RFX8: variants seen among roughly 807,000 people sequenced by gnomAD.
RFX8 encodes DNA-binding protein RFX8.
Under a neutral mutation model 54.6 loss-of-function variants are expected in RFX8, and 46 were observed. The observed-to-expected ratio is 0.84, with a 90% CI of 0.67 to 1.08. The LOEUF is 1.08. Ranked by LOEUF, RFX8 falls within the 50% of genes least tolerant of loss-of-function variation. The probability of loss-of-function intolerance (pLI) is 0.00; values close to 1 mark genes in which losing one functional copy is unlikely to be tolerated. For missense variants in RFX8, 536 were observed against 562.3 expected, an observed-to-expected ratio of 0.95 and a Z score of 0.47; for synonymous variants, 192 against 209.5, an observed-to-expected ratio of 0.92 and a Z score of 0.72.
At chr2:101,442,601 G>A (rs1688157769) in intron 2 of RFX8, among the ~76,000 whole-genome samples, 1 of 151,690 alleles carries the variant, frequency 6.6e-6, no homozygotes, top group Admixed American at 6.6e-5. Flanking sequence ...TAAATGTGTT[G>A]CCATTCAAAT....
chr2:101,409,389 A>C (rs1379462467), intron 9 of RFX8, among the ~76,000 whole-genome samples: 2 of 151,224 alleles, frequency 1.3e-5, no homozygotes, highest in African/African-American at 4.9e-5. Context: ...CGCCCAGCTA[A>C]TTTTTTTGTA....
chr2:101,446,669 C>G (rs756141973), intron 2 of RFX8, among the ~76,000 whole-genome samples: 1 of 152,062 alleles, frequency 6.6e-6, no homozygotes, highest in Non-Finnish European at 1.5e-5. Context: ...TCTGTGACAT[C>G]GGAAACAAAC....
chr2:101,429,543 A>C (rs1242439329), intron 2 of RFX8, among the ~76,000 whole-genome samples: 5 of 152,184 alleles, frequency 3.3e-5, no homozygotes, highest in Non-Finnish European at 5.9e-5. Context: ...TCTATGCAGT[A>C]CGGTGCATTT....
chr2:101,453,299 AG>A (rs1446038592), intron 2 of RFX8, among the ~76,000 whole-genome samples: 8,183 of 92,880 alleles, frequency 0.088, 403 homozygotes, highest in African/African-American at 0.15. Context: ...ATAAATAAAA[AG>A]AGAGAAAAAA....
chr2:101,430,218 G>A (rs1573412669), intron 2 of RFX8, among the ~76,000 whole-genome samples: 1 of 152,186 alleles, frequency 6.6e-6, no homozygotes, highest in Non-Finnish European at 1.5e-5. Context: ...ATATGGATAA[G>A]CCCTGCACAT....
intron 2 of RFX8, among the ~76,000 whole-genome samples, chr2:101,455,465 A>C (rs1335196316): frequency 2.0e-5 from 3 of 152,196 alleles, no homozygotes; most frequent in African/African-American, 7.2e-5. Flanking sequence ...ACATTTATTA[A>C]ATAGGGAATG....
At chr2:101,406,429 T>C (rs1043925686) in intron 9 of RFX8, among the ~76,000 whole-genome samples, 1 of 150,806 alleles carries the variant, frequency 6.6e-6, no homozygotes, top group Non-Finnish European at 1.5e-5. Flanking sequence ...ACTCCTGGGC[T>C]TAAGCGATCT....
intron 2 of RFX8, chr2:101,434,829 T>A (rs72825080): frequency 1.3e-5 from 2 of 152,194 alleles, no homozygotes; most frequent in Non-Finnish European, 2.9e-5. Flanking sequence ...CTTGGACACC[T>A]TATTAGTACC....
chr2:101,469,092 A>ACCT (rs1558896854), intron 1 of RFX8, among the ~76,000 whole-genome samples: 2 of 16,234 alleles, frequency 1.2e-4, no homozygotes, highest in African/African-American at 6.8e-4. Flanking sequence ...GTATATATAT[A>ACCT]AGTATATATA....
chr2:101,417,779 G>T, intron 5 of RFX8, 95 bp from the exon 6 acceptor site: 1 of 1,037,166 alleles, frequency 9.6e-7, no homozygotes, highest in Non-Finnish European at 1.4e-6. Flanking sequence ...GTCTCAAGAA[G>T]TCTGAGAGCG....
intron 2 of RFX8, chr2:101,429,086 GTTTC>G: frequency 1.0e-6 from 1 of 985,020 alleles, no homozygotes; most frequent in Non-Finnish European, 1.6e-6. Flanking sequence ...GAAGCACGAA[GTTTC>G]TTTTGCAGCA....
At chr2:101,453,402 C>T (rs1668226254) in intron 2 of RFX8, among the ~76,000 whole-genome samples, 1 of 152,034 alleles carries the variant, frequency 6.6e-6, no homozygotes, top group Admixed American at 6.6e-5. Flanking sequence ...CTTTGGGAGG[C>T]CACGATGGAC....
At chr2:101,419,648 C>T (rs1686744997) in intron 4 of RFX8, among the ~76,000 whole-genome samples, 1 of 152,222 alleles carries the variant, frequency 6.6e-6, no homozygotes, top group African/African-American at 2.4e-5. Flanking sequence ...GCATCACAAC[C>T]TTGTCGTATC....
chr2:101,411,870 G>C (rs1390663675), intron 8 of RFX8, among the ~76,000 whole-genome samples: 2 of 152,154 alleles, frequency 1.3e-5, no homozygotes, highest in Non-Finnish European at 2.9e-5. Flanking sequence ...CCCTACTTCA[G>C]GGTGAAAGAA....
chr2:101,420,236 C>T (rs1260167361), intron 4 of RFX8, among the ~76,000 whole-genome samples: 1 of 152,114 alleles, frequency 6.6e-6, no homozygotes, highest in Non-Finnish European at 1.5e-5. Context: ...TCTGGCTTCT[C>T]TTCTTTAGTA....
chr2:101,433,486 A>G (rs1352136544), intron 2 of RFX8, among the ~76,000 whole-genome samples: 1 of 152,272 alleles, frequency 6.6e-6, no homozygotes, highest in Non-Finnish European at 1.5e-5. Flanking sequence ...AGACACAATT[A>G]TATAGCACAT....
At chr2:101,421,585 A>G (rs1686864913) in intron 4 of RFX8, 139 bp downstream of exon 4, 4 of 1,426,332 alleles carry the variant, frequency 2.8e-6, no homozygotes, top group Non-Finnish European at 2.8e-6. Context: ...GGTACATAGC[A>G]TGTAAGCACT....
chr2:101,445,111 G>T (rs71415315), intron 2 of RFX8, among the ~76,000 whole-genome samples: 1 of 152,142 alleles, frequency 6.6e-6, no homozygotes, highest in African/African-American at 2.4e-5. Context: ...TTCTTCCAGG[G>T]CTGCCACAAA....
At chr2:101,408,219 C>T (rs1685861088) in intron 9 of RFX8, among the ~76,000 whole-genome samples, 1 of 152,202 alleles carries the variant, frequency 6.6e-6, no homozygotes, top group South Asian at 2.1e-4. Context: ...GGCGCGGTGG[C>T]TCACGCCTGT....
Sources: allele counts gnomAD v4.1 joint callset (sites outside exome capture counted in the v4.1 genomes callset), GRCh38; gene constraint gnomAD v4.1.1; transcripts MANE v1.5; gene names NCBI Gene and HGNC (gene_info 2026-07-23, HGNC 2026-07-21).